Variants in CTNND2 observed in about 807,000 individuals in gnomAD.
CTNND2 encodes catenin delta 2, also known as catenin delta-2.
In CTNND2, 22 loss-of-function variants were observed where a neutral mutation model predicts 144.4. That is an observed-to-expected ratio of 0.15 (90% CI 0.11 to 0.22). The LOEUF is 0.22. Among genes scored for constraint, CTNND2 ranks in the 10% least tolerant of loss-of-function variants. CTNND2 has a pLI of 1.00. For missense variants in CTNND2, 1,353 were observed against 1,618.8 expected (o/e 0.84, Z 2.82); for synonymous variants, 751 against 695.6 (o/e 1.08, Z -1.25).
intron 11 of CTNND2, 108 bp downstream of exon 11, chr5:11,199,340 T>C: frequency 1.0e-6 from 1 of 980,540 alleles, no homozygotes; most frequent in Non-Finnish European, 1.5e-6. Context: ...AGACCGCCTA[T>C]GTTATTAGAA....
At chr5:11,782,197 C>T (rs148192186) in intron 1 of CTNND2, among the ~76,000 whole-genome samples, 1 of 152,302 alleles carries the variant, frequency 6.6e-6, no homozygotes, top group African/African-American at 2.4e-5. Context: ...CCATGTGGAT[C>T]TGTGAGTCCT....
intron 5 of CTNND2, among the ~76,000 whole-genome samples, chr5:11,411,012 T>C (rs1457078311): frequency 1.3e-5 from 2 of 151,876 alleles, no homozygotes; most frequent in African/African-American, 2.4e-5. Context: ...GCTGGGACTA[T>C]AGGCACGCAC....
intron 20 of CTNND2, among the ~76,000 whole-genome samples, chr5:10,983,088 A>AT (rs766256891): frequency 0.014 from 2,104 of 152,344 alleles, 19 homozygotes; most frequent in Non-Finnish European, 0.022. Flanking sequence ...AGTGTTTCAT[A>AT]GCACCATAGG....
At chr5:11,663,899 A>C (rs531258179) in intron 2 of CTNND2, among the ~76,000 whole-genome samples, 1 of 152,334 alleles carries the variant, frequency 6.6e-6, no homozygotes, top group South Asian at 2.1e-4. Context: ...TTGTGAAATT[A>C]AATTTAATGA....
At chr5:11,496,111 A>T (rs1769910823) in intron 3 of CTNND2, among the ~76,000 whole-genome samples, 1 of 152,116 alleles carries the variant, frequency 6.6e-6, no homozygotes, top group African/African-American at 2.4e-5. Context: ...TCCCCCCATT[A>T]CCTTCCCTTT....
intron 18 of CTNND2, among the ~76,000 whole-genome samples, chr5:11,009,102 C>T (rs914315054): frequency 2.0e-5 from 3 of 152,220 alleles, no homozygotes; most frequent in Non-Finnish European, 4.4e-5. Context: ...TTTGTATCTT[C>T]CCTGGTCTGT....
At chr5:11,541,847 C>T (rs989631744) in intron 3 of CTNND2, among the ~76,000 whole-genome samples, 3 of 142,494 alleles carry the variant, frequency 2.1e-5, no homozygotes, top group Non-Finnish European at 4.5e-5. Context: ...GACCCCCCCC[C>T]CCCGGCCAAA....
chr5:11,297,778 A>G (rs10055016), intron 9 of CTNND2, among the ~76,000 whole-genome samples: 14,701 of 152,212 alleles, frequency 0.097, 818 homozygotes, highest in Admixed American at 0.14. Flanking sequence ...TGACTAAGCT[A>G]TGAACCAACA....
At chr5:11,027,120 C>T (rs1235658799) in intron 16 of CTNND2, 1 of 152,138 alleles carries the variant, frequency 6.6e-6, no homozygotes, top group African/African-American at 2.4e-5. Context: ...AAGTGGATAC[C>T]TTGCCTTGCT....
chr5:11,629,625 T>C (rs1781321894), intron 2 of CTNND2, among the ~76,000 whole-genome samples: 1 of 152,222 alleles, frequency 6.6e-6, no homozygotes, highest in East Asian at 1.9e-4. Context: ...TATGTTTCAT[T>C]TGTAGGCACA....
intron 3 of CTNND2, among the ~76,000 whole-genome samples, chr5:11,498,899 T>C (rs944599378): frequency 6.6e-6 from 1 of 152,142 alleles, no homozygotes; most frequent in Non-Finnish European, 1.5e-5. Context: ...GCTCAAGCAG[T>C]CTAAGATCTG....
At chr5:11,115,659 CTT>C (rs1467237078) in intron 13 of CTNND2, among the ~76,000 whole-genome samples, 3 of 152,308 alleles carry the variant, frequency 2.0e-5, no homozygotes, top group Admixed American at 6.5e-5. Context: ...AATGCTTACT[CTT>C]TGTTACATTA....
At chr5:11,115,252 G>T (rs61753333) in intron 13 of CTNND2, among the ~76,000 whole-genome samples, 35 of 152,354 alleles carry the variant, frequency 2.3e-4, no homozygotes, top group South Asian at 8.3e-4. Flanking sequence ...ACAGAAAGAA[G>T]ATGTTTGTGC....
intron 2 of CTNND2, among the ~76,000 whole-genome samples, chr5:11,627,217 T>C (rs900100475): frequency 1.3e-5 from 2 of 152,190 alleles, no homozygotes; most frequent in African/African-American, 2.4e-5. Flanking sequence ...AGAGGGCTAG[T>C]GGTAGTGCAC....
chr5:11,188,029 T>C (rs1033395376), intron 11 of CTNND2, among the ~76,000 whole-genome samples: 1 of 152,204 alleles, frequency 6.6e-6, no homozygotes, highest in African/African-American at 2.4e-5. Context: ...TCAATCATTG[T>C]GGAAGAAAAT....
chr5:11,551,690 C>A (rs533253465), intron 3 of CTNND2, among the ~76,000 whole-genome samples: 84 of 152,094 alleles, frequency 5.5e-4, no homozygotes, highest in Non-Finnish European at 1.0e-3. Flanking sequence ...CCTCTGCCTC[C>A]CAGATTCAAG....
chr5:11,617,242 C>T (rs564536668), intron 2 of CTNND2, among the ~76,000 whole-genome samples: 3 of 152,206 alleles, frequency 2.0e-5, no homozygotes, highest in Admixed American at 1.3e-4. Context: ...GGTTACGACA[C>T]TGATGTTGGC....
At chr5:11,217,314 T>A (rs772490503) in intron 10 of CTNND2, among the ~76,000 whole-genome samples, 7 of 152,170 alleles carry the variant, frequency 4.6e-5, no homozygotes, top group Non-Finnish European at 1.0e-4. Context: ...TGCTCTGGTA[T>A]TTTGGTTTTG....
chr5:11,582,386 C>T (rs1032132627), intron 2 of CTNND2, among the ~76,000 whole-genome samples: 1 of 152,048 alleles, frequency 6.6e-6, no homozygotes, highest in African/African-American at 2.4e-5. Flanking sequence ...AAATATATTG[C>T]CCCAGTTAGG....
Sources: gnomAD v4.1 joint callset for allele counts (sites outside exome capture counted in the v4.1 genomes callset) on GRCh38, gnomAD v4.1.1 for gene constraint, MANE v1.5 for transcripts, NCBI Gene and HGNC (gene_info 2026-07-23, HGNC 2026-07-21) for gene names.